The following OR2M3 variants were observed in gnomAD, a reference collection of about 807,000 sequenced individuals.
OR2M3 encodes the protein olfactory receptor family 2 subfamily M member 3.
A neutral mutation model predicts 4.3 loss-of-function variants in OR2M3; 1 was observed. That is an observed-to-expected ratio of 0.23 (90% CI 0.08 to 1.11). The LOEUF is 1.11. Ranked by LOEUF, OR2M3 falls within the 50% of genes most tolerant of loss-of-function variation. The pLI is 0.54. For synonymous variants in OR2M3, 151 were observed against 139.4 expected (o/e 1.08, Z -0.59); for missense variants, 410 against 390.4 (o/e 1.05, Z -0.42).
Position 248,197,318 on chromosome 1 carries a change from A to G in OR2M3, c.-19+17A>G, listed in dbSNP as rs1666107859. ...ACTATTCAGGTAAGTACTAAGAGGT[A>G]AGTTAACCAAGCGCAAGCATGACTT... On this transcript the variant is annotated intron_variant, in intron 1 of 1. Transcript: ENST00000641626. The G allele has an allele frequency of 6.6e-6, 1 of 152,150 alleles. No homozygotes were observed. The highest frequency in any genetic ancestry group is 2.4e-5 in the African/African-American group (1 of 41,432). The allele number at this position is 152,150 out of a possible 1,614,324, so 9.4% of individuals were successfully genotyped here. A position where few individuals can be genotyped will look rare whatever the true frequency, so the allele number is the denominator to read the frequency against.
In OR2M3 at chr1:248,203,613, C is replaced by T. The variant is rs141760284; in HGVS notation, c.546C>T (p.Pro182=). ...REIAHFFCDF[P]SLLILSCSDT... is the part of the protein sequence containing the mutation. Reference sequence around the variant, plus strand: ...TAGCCCACTTCTTCTGTGACTTCCCCTCCCTACTAATCCTCTCATGCAGTG... The same window carrying T: ...TAGCCCACTTCTTCTGTGACTTCCCTTCCCTACTAATCCTCTCATGCAGTG... The change falls in exon 2 of 2, where the codon CCC becomes CCT. Residue 182 remains proline (P), a synonymous_variant. Coordinates refer to ENST00000641626, the MANE Select transcript of OR2M3 (RefSeq NM_001004689.2). The T allele has an allele frequency of 1.3e-5, 21 of 1,613,704 alleles. No individual in the cohort carries two copies. Among genetic ancestry groups the T allele is most frequent in the East Asian group, 1.1e-4 (5 of 44,888 alleles).
At position 248,209,254 on chromosome 1, in the gene OR2M3, A is replaced by G. The variant is rs920118518; in HGVS notation, c.*5248A>G. The G allele has an allele frequency of 6.6e-6, 1 of 151,758 alleles. No homozygotes were observed. Among genetic ancestry groups the G allele is most frequent in the African/African-American group, 2.4e-5 (1 of 41,276 alleles). The allele number at this position is 151,758 out of a possible 1,614,324, so 9.4% of individuals were successfully genotyped here. The stretch of plus-strand genomic sequence containing the variant: ...CATGATTTTTATTTCTTTACATTAG[A>G]CTTCACTTTTCTTTGGTGCCTCTTT... On this transcript the variant is annotated 3_prime_UTR_variant, in exon 2 of 2. Transcript: ENST00000641626.
rs1389045280 is a variant in OR2M3, at chr1:248,207,825, T to C, written c.*3819T>C. The C allele has an allele frequency of 6.6e-6, 1 of 152,118 alleles. No homozygotes were observed. The highest frequency in any genetic ancestry group is 1.5e-5 in the Non-Finnish European group (1 of 67,990). 9.4% of individuals were successfully genotyped at this position (152,118 alleles called of 1,614,324 possible). A position where few individuals can be genotyped will look rare whatever the true frequency, so the allele number is the denominator to read the frequency against. Reference sequence around the variant, plus strand: ...TTCTGTAAATATCTGTTAATCCCATTTCTTGTAGCATATAGTTTAAGTGCA... The same window carrying C: ...TTCTGTAAATATCTGTTAATCCCATCTCTTGTAGCATATAGTTTAAGTGCA... On this transcript the variant is annotated 3_prime_UTR_variant, in exon 2 of 2. Transcript: ENST00000641626.
At chr1:248,199,467 A>T (rs994292969) in intron 1 of OR2M3, among the ~76,000 whole-genome samples, 7 of 152,070 alleles carry the variant, frequency 4.6e-5, no homozygotes, top group African/African-American at 1.4e-4. Flanking sequence ...ACTACATACA[A>T]ATACCTCTTT....
rs1177910212 is a variant in OR2M3, at chr1:248,204,615, A to ATATATATATATATATATAC, written c.*609_*610insTATATATATATATATATAC. 8 of 150,966 alleles carry ATATATATATATATATATAC rather than the reference A, an allele frequency of 5.3e-5. No homozygotes were observed. The highest frequency in any genetic ancestry group is 1.7e-4 in the African/African-American group (7 of 40,372). The allele number at this position is 150,966 out of a possible 1,614,324, so 9.4% of individuals were successfully genotyped here. ...AGTATTCCATGGTATGTGTGTATAT[A>ATATATATATATATATATAC]GATATATATATATATACGTATATAT... On this transcript the variant is annotated 3_prime_UTR_variant, in exon 2 of 2. Coordinates refer to ENST00000641626, the MANE Select transcript of OR2M3 (RefSeq NM_001004689.2).
At chr1:248,199,865 G>A (rs1462979628) in intron 1 of OR2M3, among the ~76,000 whole-genome samples, 1 of 152,034 alleles carries the variant, frequency 6.6e-6, no homozygotes, top group Non-Finnish European at 1.5e-5. Flanking sequence ...AAATAATAGT[G>A]CATTTATATA....
At position 248,203,281 on chromosome 1, in the gene OR2M3, A is replaced by G; in HGVS notation, c.214A>G (p.Met72Val). The change falls in exon 2 of 2, where the codon ATG (methionine) becomes GTG (valine). Residue 72 changes from methionine (M) to valine (V), a missense_variant. Met to Val is a conservative substitution (Grantham distance 21). Transcript: ENST00000641626. ...CAGCCAACTGTCCCTCATGGACCTC[A>G]TGCTCATCTGCACCACCGTACCCAA... The part of the protein sequence containing the change: ...LLSQLSLMDL[M>V]LICTTVPKMA... 6.2e-7 allele frequency: 1 copy of G among 1,614,008 alleles called. No homozygotes were observed. Among genetic ancestry groups the G allele is most frequent in the Non-Finnish European group, 8.5e-7 (1 of 1,179,986 alleles).
Position 248,204,114 on chromosome 1 carries a change from A to G in OR2M3, c.*108A>G. 1 of 934,816 alleles carries G rather than the reference A, an allele frequency of 1.1e-6. No homozygotes were observed. Among genetic ancestry groups the G allele is most frequent in the Admixed American group, 2.2e-5 (1 of 44,522 alleles). 57.9% of individuals were successfully genotyped at this position (934,816 alleles called of 1,614,324 possible). On this transcript the variant is annotated 3_prime_UTR_variant, in exon 2 of 2. Coordinates refer to ENST00000641626, the MANE Select transcript of OR2M3 (RefSeq NM_001004689.2). ...GGATTCATTGTGTACATAAATCTGC[A>G]ATGACATATTTATGTGCACCTATAT...
chr1:248,200,292 A>G (rs1201659631), intron 1 of OR2M3, among the ~76,000 whole-genome samples: 1 of 152,154 alleles, frequency 6.6e-6, no homozygotes, highest in Non-Finnish European at 1.5e-5. Flanking sequence ...GGTTCCATAA[A>G]GTAAGTTGAG....
At position 248,212,520 on chromosome 1, in the gene OR2M3, T is replaced by A. The variant is rs886279419; in HGVS notation, c.*8514T>A. On this transcript the variant is annotated 3_prime_UTR_variant, in exon 2 of 2. Transcript: ENST00000641626. Reference sequence around the variant, plus strand: ...AGATAATTTAATTCAGGCCAAAAACTGATTTTTAAAAACTCATATGGTTTC... The same window carrying A: ...AGATAATTTAATTCAGGCCAAAAACAGATTTTTAAAAACTCATATGGTTTC... 1 of 152,082 alleles carries A rather than the reference T, an allele frequency of 6.6e-6. No individual in the cohort carries two copies. The highest frequency in any genetic ancestry group is 2.4e-5 in the African/African-American group (1 of 41,454). The allele number at this position is 152,082 out of a possible 1,614,324, so 9.4% of individuals were successfully genotyped here.
rs540203730 is a variant in OR2M3 at position 248,199,062 on chromosome 1, T to A, written c.-19+1761T>A. ...CGTCTTCCTGATGTGATAAGATTCA[T>A]ACATAAAAATAATTTTTAATATTAA... On this transcript the variant is annotated intron_variant, in intron 1 of 1. Coordinates refer to ENST00000641626, the MANE Select transcript of OR2M3 (RefSeq NM_001004689.2). Among the ~76,000 whole-genome samples the A allele has an allele frequency of 3.3e-5, 5 of 152,278 alleles. No homozygotes were observed. In the East Asian group the frequency reaches 9.6e-4, roughly 29 times the overall value.
rs947309621 is a variant in OR2M3, at chr1:248,212,017, A to T, written c.*8011A>T. On this transcript the variant is annotated 3_prime_UTR_variant, in exon 2 of 2. Transcript: ENST00000641626. ...ATGGAACAATGTAAAATCCTATAAT[A>T]TATTTCCAGTCTTTGAAGTCCTTTT... The T allele has an allele frequency of 6.6e-6, 1 of 152,214 alleles. No homozygotes were observed. The highest frequency in any genetic ancestry group is 1.5e-5 in the Non-Finnish European group (1 of 68,034). 9.4% of individuals were successfully genotyped at this position (152,214 alleles called of 1,614,324 possible).
chr1:248,203,552 C>T lies in OR2M3; in HGVS notation c.485C>T (p.Ala162Val). The change falls in exon 2 of 2, where the codon GCA becomes GTA. Residue 162 changes from alanine (A) to valine (V), a missense_variant. Transcript: ENST00000641626. Reference sequence around the variant, plus strand: ...ACGGATGGAATTATTGATGTTGTAGCAACATTTTCCTTCTCCTACTGTGGG... The same window carrying T: ...ACGGATGGAATTATTGATGTTGTAGTAACATTTTCCTTCTCCTACTGTGGG... ...GSTDGIIDVV[A>V]TFSFSYCGSR... The T allele has an allele frequency of 6.2e-7, 1 of 1,613,756 alleles. No individual in the cohort carries two copies. Among genetic ancestry groups the T allele is most frequent in the Non-Finnish European group, 8.5e-7 (1 of 1,179,818 alleles).
chr1:248,204,304 C>T lies in OR2M3; in HGVS notation c.*298C>T. 8.6e-6 allele frequency: 2 copies of T among 232,596 alleles called. No homozygotes were observed. Among genetic ancestry groups the T allele is most frequent in the South Asian group, 7.2e-5 (1 of 13,928 alleles). 14.4% of individuals were successfully genotyped at this position (232,596 alleles called of 1,614,324 possible). Reference sequence around the variant, plus strand: ...TAGTGTTTGGTTTTATGAATAAGTTCTTTAGTGATGATTTCTGAGATTTTG... The same window carrying T: ...TAGTGTTTGGTTTTATGAATAAGTTTTTTAGTGATGATTTCTGAGATTTTG... On this transcript the variant is annotated 3_prime_UTR_variant, in exon 2 of 2. Coordinates refer to ENST00000641626, the MANE Select transcript of OR2M3 (RefSeq NM_001004689.2).
chr1:248,198,862 A>G (rs961071483), intron 1 of OR2M3, among the ~76,000 whole-genome samples: 16 of 152,286 alleles, frequency 1.1e-4, no homozygotes, highest in African/African-American at 3.8e-4. Flanking sequence ...GCCTGTGCAC[A>G]GTACCACAGT....
At chr1:248,198,431 T>C (rs1387509638) in intron 1 of OR2M3, among the ~76,000 whole-genome samples, 1 of 152,202 alleles carries the variant, frequency 6.6e-6, no homozygotes, top group Non-Finnish European at 1.5e-5. Flanking sequence ...AGGTTGCATT[T>C]TTATATTACA....
chr1:248,200,629 T>C (rs1666145389), intron 1 of OR2M3, among the ~76,000 whole-genome samples: 1 of 152,136 alleles, frequency 6.6e-6, no homozygotes, highest in Non-Finnish European at 1.5e-5. Context: ...GTTTTTCTTT[T>C]AGAGATTGCT....
rs551412460 is a variant in OR2M3, at chr1:248,206,465, G to A, written c.*2459G>A. 5 of 151,590 alleles carry A rather than the reference G, an allele frequency of 3.3e-5. No homozygotes were observed. Among genetic ancestry groups the A allele is most frequent in the Non-Finnish European group, 7.4e-5 (5 of 67,740 alleles). The allele number at this position is 151,590 out of a possible 1,614,324, so 9.4% of individuals were successfully genotyped here. On this transcript the variant is annotated 3_prime_UTR_variant, in exon 2 of 2. Coordinates refer to ENST00000641626, the MANE Select transcript of OR2M3 (RefSeq NM_001004689.2). The stretch of plus-strand genomic sequence containing the variant: ...CATAGAAGGCTTTGATTACCTTAAC[G>A]TCACCTCTATGTCCCTTCGTGTTGA...
chr1:248,203,504 C>T lies in OR2M3; in HGVS notation c.437C>T (p.Ala146Val), dbSNP rs1181866472. 2 of 1,613,828 alleles carry T rather than the reference C, an allele frequency of 1.2e-6. No individual in the cohort carries two copies. The highest frequency in any genetic ancestry group is 1.7e-6 in the Non-Finnish European group (2 of 1,179,834). The change falls in exon 2 of 2, where the codon GCC (alanine) becomes GTC (valine). Residue 146 changes from alanine (A) to valine (V), a missense_variant. Ala to Val is a moderately conservative substitution (Grantham distance 64, BLOSUM62 0). Coordinates refer to ENST00000641626, the MANE Select transcript of OR2M3 (RefSeq NM_001004689.2). ...CCTAAAATTTGTGGACTTATGACTG[C>T]CTTTTCCTGGATCCTGGGCTCTACG... The part of the protein sequence containing the change: ...MSPKICGLMT[A>V]FSWILGSTDG...
Sources: gnomAD v4.1 joint callset for allele counts (sites outside exome capture counted in the v4.1 genomes callset) on GRCh38, gnomAD v4.1.1 for gene constraint, MANE v1.5 for transcripts, NCBI Gene and HGNC (gene_info 2026-07-23, HGNC 2026-07-21) for gene names.